BTG4: variants seen among roughly 807,000 people sequenced by gnomAD.
The protein encoded by BTG4 is BTG anti-proliferation factor 4.
Under a neutral mutation model 19.3 loss-of-function variants are expected in BTG4, and 10 were observed. The ratio of observed to expected loss-of-function variants is 0.52; its 90% CI spans 0.32 to 0.88. BTG4 has a LOEUF of 0.88. BTG4 is among the 40% of genes least tolerant of loss of function. The pLI is 0.04. For synonymous variants in BTG4, 91 were observed against 95.7 expected, an observed-to-expected ratio of 0.95 and a Z score of 0.29; for missense variants, 238 against 281.9, an observed-to-expected ratio of 0.84 and a Z score of 1.11.
the BTG4 span, among the ~76,000 whole-genome samples, chr11:111,432,656 A>T: frequency 1.2e-5 from 1 of 81,462 alleles, no homozygotes; most frequent in African/African-American, 4.1e-5. Context: ...AAAAATAAAG[A>T]AAGAAAATAA....
the BTG4 span, among the ~76,000 whole-genome samples, chr11:111,427,157 G>A: frequency 2.0e-5 from 3 of 152,168 alleles, no homozygotes; most frequent in South Asian, 6.2e-4. Context: ...CCAGCAAAGT[G>A]GAGCTACTAA....
At chr11:111,470,925 T>C (rs1864026386) in intron 5 of BTG4, among the ~76,000 whole-genome samples, 1 of 152,124 alleles carries the variant, frequency 6.6e-6, no homozygotes, top group South Asian at 2.1e-4. Context: ...TGAGATCCTA[T>C]CTCAAAAAAT....
chr11:111,386,989 G>C, the BTG4 span, among the ~76,000 whole-genome samples: 1 of 152,174 alleles, frequency 6.6e-6, no homozygotes, highest in Non-Finnish European at 1.5e-5. Context: ...TAGCAGTGTG[G>C]CCTTGGTCAC....
intron 5 of BTG4, among the ~76,000 whole-genome samples, chr11:111,471,700 A>G (rs1864074741): frequency 6.6e-6 from 1 of 152,110 alleles, no homozygotes; most frequent in Non-Finnish European, 1.5e-5. Context: ...CTATATGTCA[A>G]TGACCCTCAA....
At chr11:111,425,570 C>T in the BTG4 span, among the ~76,000 whole-genome samples, 13 of 152,058 alleles carry the variant, frequency 8.5e-5, no homozygotes, top group African/African-American at 2.2e-4. Context: ...AGAAGAAAGA[C>T]GGGAAATATT....
At chr11:111,432,749 C>T in the BTG4 span, among the ~76,000 whole-genome samples, 4 of 152,174 alleles carry the variant, frequency 2.6e-5, no homozygotes, top group African/African-American at 9.7e-5. Context: ...TGGCACAGAA[C>T]AGAGCTAATG....
At chr11:111,417,904 A>G in the BTG4 span, 1 of 152,072 alleles carries the variant, frequency 6.6e-6, no homozygotes, top group Non-Finnish European at 1.5e-5. Context: ...GTCAGTTTAC[A>G]CTGCCTGGGA....
chr11:111,474,860 T>C (rs1237342664), intron 5 of BTG4, among the ~76,000 whole-genome samples: 1 of 152,204 alleles, frequency 6.6e-6, no homozygotes, highest in East Asian at 1.9e-4. Context: ...TATCTCAATG[T>C]AGTTTTAAAT....
chr11:111,448,055 C>T, the BTG4 span, among the ~76,000 whole-genome samples: 1 of 152,340 alleles, frequency 6.6e-6, no homozygotes, highest in Admixed American at 6.5e-5. Flanking sequence ...TGTCACCCCA[C>T]CCAAGGGTGA....
chr11:111,456,389 T>A, the BTG4 span: 1 of 402,108 alleles, frequency 2.5e-6, no homozygotes, highest in East Asian at 7.3e-5. The surrounding 1 kb of genome is among the most constrained non-coding windows in gnomAD (Gnocchi z 4.2). Flanking sequence ...GAGCACAATG[T>A]CTGTGGAGGC....
At chr11:111,442,634 A>G in the BTG4 span, among the ~76,000 whole-genome samples, 1 of 151,810 alleles carries the variant, frequency 6.6e-6, no homozygotes, top group Admixed American at 6.6e-5. Context: ...CACAATCATG[A>G]GGTATGTCCA....
At chr11:111,456,640 T>C in the BTG4 span, 1 of 429,592 alleles carries the variant, frequency 2.3e-6, no homozygotes, top group South Asian at 1.6e-5. The surrounding 1 kb of genome is among the most constrained non-coding windows in gnomAD (Gnocchi z 4.2). Context: ...CCCTGGCTAC[T>C]TCATCCACCC....
the BTG4 span, among the ~76,000 whole-genome samples, chr11:111,388,335 GTTT>G: frequency 7.8e-5 from 11 of 141,388 alleles, no homozygotes; most frequent in East Asian, 2.3e-3. Flanking sequence ...GGAGGTGTGT[GTTT>G]TTTTTTTTTT....
At chr11:111,400,150 C>T in the BTG4 span, among the ~76,000 whole-genome samples, 3 of 152,150 alleles carry the variant, frequency 2.0e-5, no homozygotes, top group Non-Finnish European at 4.4e-5. Context: ...TGGGCAACCT[C>T]GGAAAAGTCA....
At chr11:111,431,782 C>T in the BTG4 span, among the ~76,000 whole-genome samples, 6 of 152,252 alleles carry the variant, frequency 3.9e-5, no homozygotes, top group East Asian at 1.9e-4. Context: ...ATGACCTCTA[C>T]GTTTTCTTCC....
intron 1 of BTG4, among the ~76,000 whole-genome samples, chr11:111,508,131 T>C (rs989077925): frequency 6.6e-6 from 1 of 152,218 alleles, no homozygotes; most frequent in Non-Finnish European, 1.5e-5. Context: ...TTCCGTTTGT[T>C]CACTTGAACC....
At chr11:111,403,770 GA>G in the BTG4 span, among the ~76,000 whole-genome samples, 1 of 152,214 alleles carries the variant, frequency 6.6e-6, no homozygotes, top group African/African-American at 2.4e-5. Context: ...CTGGTTAGAT[GA>G]TGATGGTGAT....
At chr11:111,413,058 G>T in the BTG4 span, among the ~76,000 whole-genome samples, 1 of 152,196 alleles carries the variant, frequency 6.6e-6, no homozygotes. Context: ...AGAGTCAGAG[G>T]CCACTGGGGT....
chr11:111,509,481 G>A (rs1866705368), intron 1 of BTG4, among the ~76,000 whole-genome samples: 1 of 151,992 alleles, frequency 6.6e-6, no homozygotes, highest in African/African-American at 2.4e-5. Context: ...GATCGCCTGA[G>A]GTCAGGAGTT....
Sources: allele counts gnomAD v4.1 joint callset (sites outside exome capture counted in the v4.1 genomes callset), GRCh38; gene constraint gnomAD v4.1.1; non-coding constraint Gnocchi (gnomAD v3.1); transcripts MANE v1.5; gene names NCBI Gene and HGNC (gene_info 2026-07-23, HGNC 2026-07-21).